TET2: variants seen among roughly 807,000 people sequenced by gnomAD.
TET2 encodes methylcytosine dioxygenase TET2.
A neutral mutation model predicts 142.9 loss-of-function variants in TET2; 299 were observed. That is an observed-to-expected ratio of 2.09 (90% CI 1.90 to 2.30). TET2 has a LOEUF of 2.30. Ranked by LOEUF, TET2 falls within the 30% of genes most tolerant of loss-of-function variation. The pLI is 0.00. For missense variants in TET2, 2,418 were observed against 2,378.0 expected (o/e 1.02, Z -0.35); for synonymous variants, 819 against 849.0 (o/e 0.96, Z 0.61).
chr4:105,237,736 C>A, intron 3 of TET2: 1 of 1,208,322 alleles, frequency 8.3e-7, no homozygotes, highest in South Asian at 2.4e-5. Flanking sequence ...CATAGGCAGT[C>A]TAATGTACGA....
At chr4:105,148,624 C>G (rs1723152306) in intron 1 of TET2, among the ~76,000 whole-genome samples, 1 of 152,084 alleles carries the variant, frequency 6.6e-6, no homozygotes, top group Admixed American at 6.5e-5. Context: ...ATTACATTTG[C>G]ATTTTAATGG....
Position 105,275,350 on chromosome 4 carries a change from C to T in TET2, c.4840C>T (p.Pro1614Ser), listed in dbSNP as rs1255618116. 2.6e-6 allele frequency: 4 copies of T among 1,551,746 alleles called. No homozygotes were observed. The highest frequency in any genetic ancestry group is 3.5e-6 in the Non-Finnish European group (4 of 1,146,988). ...AGGTTCATATTTGAATTCTTCTAAT[C>T]CCATGAACCCTTACCCTGGGCTTTT... ...AAGSYLNSSN[P>S]MNPYPGLLNQ... Residue 1614 changes from proline (P) to serine (S), a missense_variant, in exon 11 of 11, where the codon CCC (proline) becomes TCC (serine). Transcript: ENST00000380013.
intron 2 of TET2, among the ~76,000 whole-genome samples, chr4:105,204,266 C>CACACACACACACACACACACAT (rs1443852779): frequency 1.4e-5 from 2 of 140,096 alleles, no homozygotes; most frequent in African/African-American, 6.1e-5. Context: ...CACACACACA[C>CACACACACACACACACACACAT]ACATACATAC....
chr4:105,232,334 A>G (rs1011151999), intron 2 of TET2, among the ~76,000 whole-genome samples: 3 of 152,260 alleles, frequency 2.0e-5, no homozygotes, highest in Admixed American at 6.5e-5. Context: ...ATACGTGTGC[A>G]ATATGCCTTT....
chr4:105,190,796 A>G (rs1454397913), intron 2 of TET2: 4 of 296,880 alleles, frequency 1.3e-5, no homozygotes, highest in Non-Finnish European at 2.5e-5. Flanking sequence ...AAATGTAACT[A>G]TAAACATAAG....
At chr4:105,170,910 C>T (rs1724428714) in intron 1 of TET2, among the ~76,000 whole-genome samples, 1 of 152,272 alleles carries the variant, frequency 6.6e-6, no homozygotes, top group South Asian at 2.1e-4. Flanking sequence ...TGTGTTCTTC[C>T]TTCTGCTTCC....
chr4:105,153,454 T>G (rs918323206), intron 1 of TET2, among the ~76,000 whole-genome samples: 1 of 152,248 alleles, frequency 6.6e-6, no homozygotes, highest in African/African-American at 2.4e-5. Context: ...TATTAAAATG[T>G]GTGTCAGAAT....
At chr4:105,243,541 T>G (rs1578691538) in intron 5 of TET2, 29 bp from the exon 6 acceptor site, 1 of 1,542,616 alleles carries the variant, frequency 6.5e-7, no homozygotes, top group Non-Finnish European at 8.8e-7. Flanking sequence ...GGGTGGGGGG[T>G]GTTTGGGATG....
chr4:105,262,970 G>A (rs573352834), intron 8 of TET2, among the ~76,000 whole-genome samples: 25 of 152,042 alleles, frequency 1.6e-4, no homozygotes, highest in Admixed American at 1.3e-3. Flanking sequence ...CTGAGGCTGC[G>A]GTGAGCCATG....
At position 105,275,817 on chromosome 4, in the gene TET2, T is replaced by C; in HGVS notation, c.5307T>C (p.Ala1769=). ...PSHIIHNYSA[A]PGMFNSSLHA... ...ACATAATCCATAACTACAGTGCAGC[T>C]CCGGGCATGTTCAACAGCTCTCTTC... The change falls in exon 11 of 11, where the codon GCT becomes GCC. Residue 1769 remains alanine (A), a synonymous_variant. Coordinates refer to ENST00000380013, the MANE Select transcript of TET2 (RefSeq NM_001127208.3). The C allele has an allele frequency of 6.4e-7, 1 of 1,551,752 alleles. No homozygotes were observed. Among genetic ancestry groups the C allele is most frequent in the South Asian group, 1.2e-5 (1 of 84,060 alleles).
chr4:105,240,595 G>T, intron 3 of TET2: 1 of 1,079,766 alleles, frequency 9.3e-7, no homozygotes, highest in South Asian at 4.5e-5. Flanking sequence ...GTCCCTCTTT[G>T]CGTGTGGTTA....
In TET2 at chr4:105,244,103, A is replaced by G. The variant is rs563635548; in HGVS notation, c.3803+325A>G. ...CGGCTCCTGTGTGCCTGGCCACTAT[A>G]TTAGTATGTATTGACTCCACTTCCA... is the stretch of plus-strand genomic sequence containing the variant. On this transcript the variant is annotated intron_variant, in intron 6 of 10. Coordinates refer to ENST00000380013, the MANE Select transcript of TET2 (RefSeq NM_001127208.3). Among the ~76,000 whole-genome samples, 9 of 152,292 alleles carry G rather than the reference A, an allele frequency of 5.9e-5. No homozygotes were observed. In the South Asian group the frequency reaches 1.9e-3, roughly 32 times the overall value.
chr4:105,220,492 C>G (rs936478736), intron 2 of TET2, among the ~76,000 whole-genome samples: 1 of 152,110 alleles, frequency 6.6e-6, no homozygotes, highest in Admixed American at 6.6e-5. Flanking sequence ...AACACTGGCT[C>G]CAACCCTTGG....
intron 1 of TET2, among the ~76,000 whole-genome samples, chr4:105,153,368 C>T (rs1723406726): frequency 6.6e-6 from 1 of 152,054 alleles, no homozygotes; most frequent in South Asian, 2.1e-4. Context: ...ATTTTTAAAC[C>T]TTTTTTTCTC....
chr4:105,274,415 G>A (rs2647244), intron 10 of TET2, among the ~76,000 whole-genome samples: 64,528 of 152,028 alleles, frequency 0.42, 14,454 homozygotes, highest in Non-Finnish European at 0.52. Flanking sequence ...TATATAAGAT[G>A]CTTTTTGTGT....
intron 2 of TET2, among the ~76,000 whole-genome samples, chr4:105,201,517 T>A (rs1465966799): frequency 6.6e-6 from 1 of 152,190 alleles, no homozygotes; most frequent in Non-Finnish European, 1.5e-5. Context: ...GTTGCTAACA[T>A]TTAAATCAAA....
At chr4:105,161,345 A>G (rs1279231055) in intron 1 of TET2, among the ~76,000 whole-genome samples, 3 of 152,210 alleles carry the variant, frequency 2.0e-5, no homozygotes, top group Non-Finnish European at 4.4e-5. Flanking sequence ...TTTCTGATAC[A>G]CTGAATTAAG....
At chr4:105,148,053 T>TACACATACACAC (rs1723121915) in intron 1 of TET2, among the ~76,000 whole-genome samples, 1 of 151,050 alleles carries the variant, frequency 6.6e-6, no homozygotes, top group Non-Finnish European at 1.5e-5. Flanking sequence ...CTCTCTCTCA[T>TACACATACACAC]ACACATACAC....
intron 1 of TET2, among the ~76,000 whole-genome samples, chr4:105,172,796 AAACTGATT>A (rs955547195): frequency 3.3e-5 from 5 of 152,260 alleles, no homozygotes; most frequent in African/African-American, 1.2e-4. Context: ...TTACAACTTG[AAACTGATT>A]AACTGATTAA....
Sources: gnomAD v4.1 joint callset for allele counts (sites outside exome capture counted in the v4.1 genomes callset) on GRCh38, gnomAD v4.1.1 for gene constraint, MANE v1.5 for transcripts, NCBI Gene and HGNC (gene_info 2026-07-23, HGNC 2026-07-21) for gene names.